NAALADL2: variants seen among roughly 807,000 people sequenced by gnomAD.
NAALADL2 encodes the protein inactive N-acetylated-alpha-linked acidic dipeptidase-like protein 2.
A neutral mutation model predicts 87.2 loss-of-function variants in NAALADL2; 76 were observed. That is an observed-to-expected ratio of 0.87 (90% confidence interval 0.72 to 1.05). The LOEUF is 1.05. Among genes scored for constraint, NAALADL2 ranks in the 50% least tolerant of loss-of-function variants. The pLI is 0.00. For missense variants in NAALADL2, 1,089 were observed against 945.8 expected (o/e 1.15, Z -1.99); for synonymous variants, 354 against 331.0 (o/e 1.07, Z -0.75).
intron 2 of NAALADL2, among the ~76,000 whole-genome samples, chr3:175,212,385 G>C (rs1171436506): frequency 6.6e-6 from 1 of 151,702 alleles, no homozygotes; most frequent in South Asian, 2.1e-4. Flanking sequence ...AGAAAACAAA[G>C]CTAAAAGGGT....
At chr3:174,895,196 G>T (rs572840247) in intron 1 of NAALADL2, among the ~76,000 whole-genome samples, 8 of 151,562 alleles carry the variant, frequency 5.3e-5, no homozygotes, top group African/African-American at 1.9e-4. Context: ...AGATATAAAT[G>T]GAATTAAAAT....
At chr3:175,785,932 T>TGTAAA (rs1448569194) in intron 13 of NAALADL2, among the ~76,000 whole-genome samples, 1 of 150,940 alleles carries the variant, frequency 6.6e-6, no homozygotes, top group South Asian at 2.1e-4. Context: ...TTTGCTTGTC[T>TGTAAA]GTAAAGTATT....
chr3:175,065,300 T>G (rs1714348940), intron 1 of NAALADL2, among the ~76,000 whole-genome samples: 2 of 152,182 alleles, frequency 1.3e-5, no homozygotes, highest in Non-Finnish European at 2.9e-5. Flanking sequence ...TATAAATCAC[T>G]GGGAAAACAA....
chr3:175,216,643 AATTTTTTTT>A (rs1386666275), intron 2 of NAALADL2, among the ~76,000 whole-genome samples: 23 of 106,804 alleles, frequency 2.2e-4, no homozygotes, highest in Non-Finnish European at 4.1e-4. Context: ...GTTGACAAGC[AATTTTTTTT>A]CTTTTTTTTT....
chr3:175,736,391 A>G (rs1252493934), intron 11 of NAALADL2, among the ~76,000 whole-genome samples: 1 of 152,272 alleles, frequency 6.6e-6, no homozygotes, highest in African/African-American at 2.4e-5. Flanking sequence ...GGAATAGAAT[A>G]AAAGCATGAA....
chr3:175,049,434 C>T (rs886089914), intron 1 of NAALADL2, among the ~76,000 whole-genome samples: 6 of 152,098 alleles, frequency 3.9e-5, no homozygotes, highest in African/African-American at 1.2e-4. Flanking sequence ...TAACAGAAAA[C>T]CTGTGTATAG....
At chr3:174,632,686 A>C (rs1404256622) in intron 2 of NAALADL2, among the ~76,000 whole-genome samples, 1 of 152,126 alleles carries the variant, frequency 6.6e-6, no homozygotes, top group Non-Finnish European at 1.5e-5. Context: ...CTGTAATCCC[A>C]GCACTTTGGG....
rs76087150 is a variant in NAALADL2 at position 175,269,373 on chromosome 3, A to G, written c.939+12843A>G. Among the ~76,000 whole-genome samples, 3 of 152,338 alleles carry G rather than the reference A, an allele frequency of 2.0e-5. No homozygotes were observed. In the East Asian group the frequency reaches 5.8e-4, roughly 29 times the overall value. On this transcript the variant is annotated intron_variant, in intron 4 of 13. Transcript: ENST00000454872. ...ACATAATTGCATGTGCTATACTTTT[A>G]TACAATTGGCAGGGCAGTAAGTTTG...
intron 11 of NAALADL2, among the ~76,000 whole-genome samples, chr3:175,700,733 T>A (rs558111162): frequency 6.6e-6 from 1 of 152,150 alleles, no homozygotes; most frequent in South Asian, 2.1e-4. Context: ...GTAAAGTCTG[T>A]TTTTCATCAT....
At chr3:175,590,144 G>A (rs1302309988) in intron 10 of NAALADL2, among the ~76,000 whole-genome samples, 1 of 138,742 alleles carries the variant, frequency 7.2e-6, no homozygotes, top group Non-Finnish European at 1.6e-5. Context: ...CCCGGGAGGT[G>A]GAGCTGGCAG....
In NAALADL2 at chr3:175,501,916, A is replaced by T. The variant is rs151010901; in HGVS notation, c.1653+30158A>T. On this transcript the variant is annotated intron_variant, in intron 9 of 13. Coordinates refer to ENST00000454872, the MANE Select transcript of NAALADL2 (RefSeq NM_207015.3). ...AATATCAAAAAAAGTTCCAAAGTCA[A>T]GTACTATCATGGAAACCAAGAAGTA... 5.2e-3 allele frequency among the ~76,000 whole-genome samples: 791 copies of T among 152,258 alleles called. 6 individuals carry two copies. The highest frequency in any genetic ancestry group is 0.018 in the African/African-American group (751 of 41,566).
chr3:175,446,831 G>C (rs548290295), intron 5 of NAALADL2, among the ~76,000 whole-genome samples: 28 of 152,224 alleles, frequency 1.8e-4, no homozygotes, highest in Non-Finnish European at 3.7e-4. Flanking sequence ...TAAGAACTTA[G>C]GTTTTAGGTT....
At chr3:175,496,323 T>C (rs1276067333) in intron 9 of NAALADL2, among the ~76,000 whole-genome samples, 2 of 152,094 alleles carry the variant, frequency 1.3e-5, no homozygotes, top group Non-Finnish European at 2.9e-5. Flanking sequence ...TCATGTCTTT[T>C]AATTTATATT....
chr3:174,946,944 A>T (rs1395858574), intron 1 of NAALADL2, among the ~76,000 whole-genome samples: 3 of 152,174 alleles, frequency 2.0e-5, no homozygotes, highest in Non-Finnish European at 4.4e-5. Flanking sequence ...ACTGTAGCTC[A>T]CAGACTTAAT....
chr3:175,392,296 G>A (rs1256676103), intron 5 of NAALADL2, among the ~76,000 whole-genome samples: 1 of 151,888 alleles, frequency 6.6e-6, no homozygotes, highest in Admixed American at 6.6e-5. Flanking sequence ...TTAAAGCTGT[G>A]GTCTACAAAT....
intron 2 of NAALADL2, among the ~76,000 whole-genome samples, chr3:174,590,535 T>C (rs1717251261): frequency 1.3e-5 from 2 of 152,160 alleles, no homozygotes; most frequent in Admixed American, 6.5e-5. Flanking sequence ...TCTTATTATA[T>C]TAAATTTTAA....
intron 9 of NAALADL2, among the ~76,000 whole-genome samples, chr3:175,482,890 T>A (rs1242363011): frequency 6.6e-6 from 1 of 151,908 alleles, no homozygotes. Context: ...AACTTTTTAC[T>A]AGATGTGGGG....
chr3:175,483,448 C>T (rs1229677375), intron 9 of NAALADL2, among the ~76,000 whole-genome samples: 2 of 150,148 alleles, frequency 1.3e-5, no homozygotes, highest in Non-Finnish European at 3.0e-5. Context: ...TTTCAAGGTA[C>T]TTATCAAGTG....
intron 2 of NAALADL2, among the ~76,000 whole-genome samples, chr3:175,173,844 A>T (rs1373917277): frequency 6.6e-6 from 1 of 152,196 alleles, no homozygotes; most frequent in African/African-American, 2.4e-5. Flanking sequence ...GGACTTCTGC[A>T]ATTTTCGTCT....
Sources: gnomAD v4.1 joint callset for allele counts (sites outside exome capture counted in the v4.1 genomes callset) on GRCh38, gnomAD v4.1.1 for gene constraint, MANE v1.5 for transcripts, NCBI Gene and HGNC (gene_info 2026-07-23, HGNC 2026-07-21) for gene names.